The following RAPGEF2 variants were observed in gnomAD, a reference collection of about 807,000 sequenced individuals.
The protein encoded by RAPGEF2 is Rap guanine nucleotide exchange factor 2, also known as PDZ domain containing guanine nucleotide exchange factor (GEF) 1.
In RAPGEF2, 54 loss-of-function variants were observed where a neutral mutation model predicts 186.7. The observed-to-expected ratio is 0.29, with a 90% CI of 0.23 to 0.36. The LOEUF (loss-of-function observed/expected upper bound fraction) is 0.36. RAPGEF2 is among the 10% of genes least tolerant of loss of function. The probability of loss-of-function intolerance (pLI) is 1.00; values close to 1 mark genes in which losing one functional copy is unlikely to be tolerated. For missense variants in RAPGEF2, 1,532 were observed against 2,045.0 expected, an observed-to-expected ratio of 0.75 and a Z score of 4.84; for synonymous variants, 712 against 705.9, an observed-to-expected ratio of 1.01 and a Z score of -0.14.
At position 159,330,018 on chromosome 4, in the gene RAPGEF2, A is replaced by G. The variant is rs750168259; in HGVS notation, c.1302+8A>G. On this transcript the variant is annotated splice_region_variant and intron_variant, in intron 12 of 29. Transcript: ENST00000691494. The stretch of plus-strand genomic sequence containing the variant: ...GGACACATTGTCATCAAGGTAGGAC[A>G]CAGGACCACTCCTTCCCAAGGAAAG... 1 of 1,603,486 alleles carries G rather than the reference A, an allele frequency of 6.2e-7. No individual in the cohort carries two copies. The highest frequency in any genetic ancestry group is 2.2e-5 in the East Asian group (1 of 44,594).
In RAPGEF2 at chr4:159,156,049, T is replaced by C. The variant is rs1484870875; in HGVS notation, c.70-30593T>C. On this transcript the variant is annotated intron_variant, in intron 1 of 29. Coordinates refer to ENST00000691494, the MANE Select transcript of RAPGEF2 (RefSeq NM_001394067.2). ...TTAGGCTTAAAACACTGTGTACTTG[T>C]TATGTCTCAATTTCTGTAGGTCAGG... Among the ~76,000 whole-genome samples, 4 of 152,184 alleles carry C rather than the reference T, an allele frequency of 2.6e-5. 1 individual carries two copies. Among genetic ancestry groups the C allele is most frequent in the Non-Finnish European group, 5.9e-5 (4 of 68,034 alleles).
At chr4:159,349,193 A>T (rs543203809) in intron 25 of RAPGEF2, among the ~76,000 whole-genome samples, 1 of 152,300 alleles carries the variant, frequency 6.6e-6, no homozygotes, top group East Asian at 1.9e-4. Context: ...AGGTTTTTTT[A>T]AAAAAGATTG....
chr4:159,165,242 A>C (rs978885402), intron 1 of RAPGEF2, among the ~76,000 whole-genome samples: 8 of 152,168 alleles, frequency 5.3e-5, no homozygotes, highest in African/African-American at 1.7e-4. Flanking sequence ...CTCATTACAA[A>C]GGAGTCTTGT....
rs528906233 is a variant in RAPGEF2 at position 159,152,319 on chromosome 4, TA to T, written c.70-34314del. On this transcript the variant is annotated intron_variant, in intron 1 of 29. Transcript: ENST00000691494. ...ATGGGTGACAGAGCGAGACTCTGTC[TA>T]AAAAAAAATAAGAAAGAAAGAAAAG... Among the ~76,000 whole-genome samples, 1,254 of 151,122 alleles carry T rather than the reference TA, an allele frequency of 8.3e-3. 23 individuals are homozygous for T. Among genetic ancestry groups the T allele is most frequent in the African/African-American group, 0.029 (1,190 of 41,238 alleles).
At chr4:159,253,551 T>G (rs766567019) in intron 7 of RAPGEF2, among the ~76,000 whole-genome samples, 3 of 152,220 alleles carry the variant, frequency 2.0e-5, no homozygotes, top group Non-Finnish European at 4.4e-5. Context: ...CATTAGCAAA[T>G]TATTATCATC....
At chr4:159,151,355 A>G (rs1049108323) in intron 1 of RAPGEF2, among the ~76,000 whole-genome samples, 4 of 152,236 alleles carry the variant, frequency 2.6e-5, no homozygotes, top group Non-Finnish European at 2.9e-5. Context: ...AACTGAAAAC[A>G]TGAATTGAAT....
intron 1 of RAPGEF2, among the ~76,000 whole-genome samples, chr4:159,168,889 A>C (rs148236172): frequency 3.8e-4 from 58 of 152,340 alleles, no homozygotes; most frequent in Non-Finnish European, 7.9e-4. Flanking sequence ...AGCTGGCAGC[A>C]GTGGTAGAGT....
chr4:159,117,953 G>T (rs1739231615), intron 1 of RAPGEF2, among the ~76,000 whole-genome samples: 1 of 151,962 alleles, frequency 6.6e-6, no homozygotes, highest in African/African-American at 2.4e-5. Context: ...GCTTTGTTTT[G>T]CTATATTATG....
chr4:159,109,787 T>C (rs1387065104), intron 1 of RAPGEF2, among the ~76,000 whole-genome samples: 1 of 152,210 alleles, frequency 6.6e-6, no homozygotes, highest in Non-Finnish European at 1.5e-5. Flanking sequence ...GTATTCCAGA[T>C]TGACCTACTG....
chr4:159,222,751 A>G (rs1200287725), intron 4 of RAPGEF2, among the ~76,000 whole-genome samples: 1 of 152,040 alleles, frequency 6.6e-6, no homozygotes, highest in African/African-American at 2.4e-5. Flanking sequence ...AAGAAAGTGT[A>G]CTCTCTGTAT....
At chr4:159,179,142 G>A (rs544962857) in intron 1 of RAPGEF2, among the ~76,000 whole-genome samples, 1 of 152,216 alleles carries the variant, frequency 6.6e-6, no homozygotes, top group South Asian at 2.1e-4. Flanking sequence ...CTGCTTCCTG[G>A]TTAAAGCAAC....
At chr4:159,341,532 C>G (rs763305116) in intron 19 of RAPGEF2, 32 bp from the exon 20 acceptor site, 7 of 1,540,158 alleles carry the variant, frequency 4.5e-6, no homozygotes, top group Non-Finnish European at 6.1e-6. Flanking sequence ...GCTGCTTAGG[C>G]TTTGACTCTG....
At position 159,330,360 on chromosome 4, in the gene RAPGEF2, T is replaced by G. The variant is rs754568376; in HGVS notation, c.1329T>G (p.His443Gln). Residue 443 changes from histidine (H) to glutamine (Q), a missense_variant, in exon 13 of 30, where the codon CAT becomes CAG. By Grantham distance (24) the His-to-Gln change is conservative. This residue lies in a region of RAPGEF2 where 810 missense variants were observed against 1,210.5 expected (regional missense o/e 0.67). Transcript: ENST00000691494. Reference protein sequence around the residue: ...IKGTSERLTMHLVEEHSVVDP... With the variant: ...IKGTSERLTMQLVEEHSVVDP... ...GTACCTCAGAAAGGTTAACAATGCA[T>G]TTGGTGGAAGAGCATTCAGTAGTAG... 1 of 1,589,200 alleles carries G rather than the reference T, an allele frequency of 6.3e-7. No homozygotes were observed. Among genetic ancestry groups the G allele is most frequent in the Admixed American group, 1.9e-5 (1 of 51,722 alleles).
intron 17 of RAPGEF2, among the ~76,000 whole-genome samples, chr4:159,337,912 A>AAAAAAAAAAAAAAC: frequency 6.8e-6 from 1 of 146,144 alleles, no homozygotes; most frequent in African/African-American, 2.6e-5. Flanking sequence ...AAAAAAAAAA[A>AAAAAAAAAAAAAAC]AGAAAGAAAA....
intron 1 of RAPGEF2, among the ~76,000 whole-genome samples, chr4:159,114,695 G>A (rs1738853514): frequency 6.6e-6 from 1 of 152,176 alleles, no homozygotes; most frequent in Non-Finnish European, 1.5e-5. Flanking sequence ...AATATTCCAT[G>A]TATGTTAAGC....
At chr4:159,203,452 C>G (rs1211585792) in intron 3 of RAPGEF2, among the ~76,000 whole-genome samples, 1 of 152,252 alleles carries the variant, frequency 6.6e-6, no homozygotes, top group Non-Finnish European at 1.5e-5. Flanking sequence ...ACCTGCGTCA[C>G]GTGAGCATGT....
intron 17 of RAPGEF2, among the ~76,000 whole-genome samples, chr4:159,333,148 T>C (rs974294440): frequency 2.8e-4 from 43 of 151,754 alleles, no homozygotes; most frequent in Admixed American, 6.6e-5. Flanking sequence ...CCCGGCTAAT[T>C]TTTGTATTTT....
chr4:159,182,994 T>G (rs886591503), intron 1 of RAPGEF2, among the ~76,000 whole-genome samples: 4 of 152,192 alleles, frequency 2.6e-5, no homozygotes, highest in Admixed American at 2.6e-4. Flanking sequence ...GCAATACTAC[T>G]CGGATTGGTC....
In RAPGEF2 at chr4:159,341,909, G is replaced by A; in HGVS notation, c.2880G>A (p.Arg960=). 1.3e-6 allele frequency: 2 copies of A among 1,599,178 alleles called. No homozygotes were observed. The highest frequency in any genetic ancestry group is 1.7e-6 in the Non-Finnish European group (2 of 1,174,414). Residue 960 remains arginine, a synonymous_variant, in exon 20 of 30, where the codon AGG becomes AGA. Transcript: ENST00000691494. The stretch of plus-strand genomic sequence containing the variant: ...TCATCAAGATAGCACTGCACTGTAG[G>A]GAATGCAAGAATTTTAACTCAATGT... ...KHFIKIALHC[R]ECKNFNSMFA...
Sources: gnomAD v4.1 joint callset for allele counts (sites outside exome capture counted in the v4.1 genomes callset) on GRCh38, gnomAD v4.1.1 for gene constraint, gnomAD v4.1.1 regional missense constraint, MANE v1.5 for transcripts, NCBI Gene and HGNC (gene_info 2026-07-23, HGNC 2026-07-21) for gene names.